Variants in LOC400499 observed in about 807,000 individuals in gnomAD.
chr16:11,434,197 C>T, the LOC400499 span, among the ~76,000 whole-genome samples: 1 of 152,146 alleles, frequency 6.6e-6, no homozygotes, highest in African/African-American at 2.4e-5. Context: ...TGAGAGCATT[C>T]ATGGTATATA....
chr16:11,491,536 C>A, the LOC400499 span, among the ~76,000 whole-genome samples: 1 of 151,038 alleles, frequency 6.6e-6, no homozygotes, highest in African/African-American at 2.4e-5. Context: ...GAATACATAG[C>A]CCCTTATCTA....
the LOC400499 span, chr16:11,473,116 A>AAAATAAATAAATAAATAAATAAATAAAT: frequency 2.0e-5 from 3 of 148,200 alleles, no homozygotes; most frequent in African/African-American, 7.5e-5. Flanking sequence ...ACGCTATCTC[A>AAAATAAATAAATAAATAAATAAATAAAT]AAATAAATAA....
chr16:11,450,376 C>T, the LOC400499 span, among the ~76,000 whole-genome samples: 2 of 152,222 alleles, frequency 1.3e-5, no homozygotes, highest in African/African-American at 2.4e-5. Flanking sequence ...ATTTCTCTCC[C>T]CGTCATCTGC....
At chr16:11,373,664 G>A in the LOC400499 span, among the ~76,000 whole-genome samples, 4 of 151,912 alleles carry the variant, frequency 2.6e-5, no homozygotes, top group African/African-American at 9.7e-5. Context: ...CTGTCGCCCA[G>A]GCTGGAGTGC....
the LOC400499 span, chr16:11,381,144 C>T: frequency 3.3e-5 from 5 of 151,638 alleles, no homozygotes; most frequent in African/African-American, 1.2e-4. Flanking sequence ...GGAACTCACT[C>T]CCCGTGCCGG....
the LOC400499 span, among the ~76,000 whole-genome samples, chr16:11,421,013 C>A: frequency 5.9e-5 from 9 of 152,126 alleles, no homozygotes; most frequent in Non-Finnish European, 1.3e-4. Context: ...TACTGCTGGC[C>A]ACCTCTGCCA....
the LOC400499 span, chr16:11,476,866 C>T: frequency 7.5e-6 from 3 of 399,586 alleles, no homozygotes; most frequent in Non-Finnish European, 1.3e-5. Context: ...GGCGGCGCTG[C>T]GGACGCTGGT....
At chr16:11,505,194 T>C in the LOC400499 span, among the ~76,000 whole-genome samples, 55 of 151,548 alleles carry the variant, frequency 3.6e-4, no homozygotes, top group African/African-American at 1.3e-3. Context: ...CCGATCGTCA[T>C]GGTGTAAATA....
At chr16:11,450,888 G>A in the LOC400499 span, 6,687 of 1,363,208 alleles carry the variant, frequency 4.9e-3, 449 homozygotes, top group East Asian at 0.15. Flanking sequence ...GGCAGCTGGA[G>A]GTCCCGAGAG....
At chr16:11,446,966 G>T in the LOC400499 span, 1 of 1,495,070 alleles carries the variant, frequency 6.7e-7, no homozygotes, top group South Asian at 1.3e-5. Context: ...GCAGTGCCAG[G>T]GGACAATTGT....
chr16:11,466,655 C>G, the LOC400499 span, among the ~76,000 whole-genome samples: 1 of 152,086 alleles, frequency 6.6e-6, no homozygotes, highest in Non-Finnish European at 1.5e-5. Context: ...TCCCAAAGTG[C>G]TGGGATTATA....
chr16:11,482,127 C>T, the LOC400499 span, among the ~76,000 whole-genome samples: 1 of 152,324 alleles, frequency 6.6e-6, no homozygotes, highest in African/African-American at 2.4e-5. Flanking sequence ...CCAGATGACA[C>T]AGGCTCAACA....
At chr16:11,386,852 C>A in the LOC400499 span, among the ~76,000 whole-genome samples, 4 of 152,206 alleles carry the variant, frequency 2.6e-5, no homozygotes, top group Non-Finnish European at 4.4e-5. Flanking sequence ...GGAGGGCTGC[C>A]GTCTTCTCCA....
the LOC400499 span, chr16:11,383,860 AC>A: frequency 8.1e-7 from 1 of 1,232,074 alleles, no homozygotes; most frequent in South Asian, 4.1e-5. Flanking sequence ...GGCCTTCTGC[AC>A]CCCATGGGCC....
the LOC400499 span, chr16:11,390,141 C>T: frequency 8.1e-7 from 1 of 1,232,346 alleles, no homozygotes; most frequent in Non-Finnish European, 1.0e-6. Flanking sequence ...CAGTGGTTTG[C>T]AGAGCCTCTT....
the LOC400499 span, chr16:11,384,147 C>T: frequency 1.2e-5 from 14 of 1,214,240 alleles, no homozygotes; most frequent in Admixed American, 1.7e-4. Flanking sequence ...CTGCCTCTCC[C>T]GGGACTCTGC....
the LOC400499 span, among the ~76,000 whole-genome samples, chr16:11,437,850 C>G: frequency 6.6e-6 from 1 of 152,198 alleles, no homozygotes; most frequent in Non-Finnish European, 1.5e-5. Context: ...GCTTGGGTGA[C>G]AGAGCGAGAC....
the LOC400499 span, among the ~76,000 whole-genome samples, chr16:11,509,122 T>TC: frequency 6.9e-6 from 1 of 145,326 alleles, no homozygotes; most frequent in Non-Finnish European, 1.5e-5. Flanking sequence ...TTTTTTTTCT[T>TC]TTTTTTTTTT....
chr16:11,524,595 A>C, the LOC400499 span, among the ~76,000 whole-genome samples: 1 of 152,088 alleles, frequency 6.6e-6, no homozygotes, highest in Non-Finnish European at 1.5e-5. Context: ...CTCCCTGTTG[A>C]GTGTCTCCCT....
Sources: gnomAD v4.1 joint callset for allele counts (sites outside exome capture counted in the v4.1 genomes callset) on GRCh38, gnomAD v4.1.1 for gene constraint, MANE v1.5 for transcripts.